The following UBE2E2 variants were observed in gnomAD, a reference collection of about 807,000 sequenced individuals.
The protein encoded by UBE2E2 is ubiquitin conjugating enzyme E2 E2, also known as ubiquitin-conjugating enzyme E2 E2.
In UBE2E2, 6 loss-of-function variants were observed where a neutral mutation model predicts 24.7. The observed-to-expected ratio is 0.24, with a 90% CI of 0.13 to 0.48. The LOEUF is 0.48. Among genes scored for constraint, UBE2E2 ranks in the 20% least tolerant of loss-of-function variants. UBE2E2 has a pLI of 0.99. For missense variants in UBE2E2, 169 were observed against 245.0 expected, an observed-to-expected ratio of 0.69 and a Z score of 2.07; for synonymous variants, 104 against 83.6, an observed-to-expected ratio of 1.24 and a Z score of -1.33.
At chr3:23,292,774 G>T (rs915815554) in intron 3 of UBE2E2, among the ~76,000 whole-genome samples, 1 of 152,136 alleles carries the variant, frequency 6.6e-6, no homozygotes, top group Non-Finnish European at 1.5e-5. Flanking sequence ...TTTGTTCGCA[G>T]TTAAAATCAG....
intron 3 of UBE2E2, among the ~76,000 whole-genome samples, chr3:23,480,570 G>A (rs1034586792): frequency 4.6e-5 from 7 of 150,856 alleles, no homozygotes; most frequent in East Asian, 1.9e-4. Context: ...GCTGGCATCC[G>A]TACAGCAGCT....
At chr3:23,226,283 A>G (rs973487673) in intron 3 of UBE2E2, among the ~76,000 whole-genome samples, 5 of 152,164 alleles carry the variant, frequency 3.3e-5, no homozygotes, top group African/African-American at 1.2e-4. Context: ...TGAGACAGAA[A>G]TTAGAAACAA....
chr3:23,410,027 T>A (rs1411132409), intron 3 of UBE2E2, among the ~76,000 whole-genome samples: 1 of 152,196 alleles, frequency 6.6e-6, no homozygotes, highest in African/African-American at 2.4e-5. Context: ...TCAAATAAGA[T>A]CACATTTGTG....
At chr3:23,491,980 C>G (rs1162210374) in intron 3 of UBE2E2, among the ~76,000 whole-genome samples, 1 of 152,118 alleles carries the variant, frequency 6.6e-6, no homozygotes, top group Non-Finnish European at 1.5e-5. Flanking sequence ...GGATGACTCT[C>G]AGATTTATGA....
intron 3 of UBE2E2, among the ~76,000 whole-genome samples, chr3:23,335,469 G>T (rs1221045941): frequency 2.0e-5 from 3 of 152,144 alleles, no homozygotes; most frequent in Non-Finnish European, 2.9e-5. Flanking sequence ...CTTATTTCTT[G>T]TAGCAGTGTC....
At chr3:23,465,673 T>G (rs372318353) in intron 3 of UBE2E2, among the ~76,000 whole-genome samples, 1 of 152,182 alleles carries the variant, frequency 6.6e-6, no homozygotes, top group East Asian at 1.9e-4. Context: ...TACAGAACCC[T>G]GTATCTCTAA....
intron 3 of UBE2E2, among the ~76,000 whole-genome samples, chr3:23,294,443 G>T (rs1359926929): frequency 6.6e-6 from 1 of 151,816 alleles, no homozygotes; most frequent in Non-Finnish European, 1.5e-5. Context: ...TACCTTCCTT[G>T]ATTACAATCT....
At chr3:23,443,028 C>T (rs1399462830) in intron 3 of UBE2E2, among the ~76,000 whole-genome samples, 1 of 152,184 alleles carries the variant, frequency 6.6e-6, no homozygotes, top group African/African-American at 2.4e-5. Context: ...ACAATAACAA[C>T]AGTACTTTCC....
intron 3 of UBE2E2, 31 bp downstream of exon 3, chr3:23,217,343 A>T: frequency 6.2e-7 from 1 of 1,602,038 alleles, no homozygotes; most frequent in Non-Finnish European, 8.5e-7. Flanking sequence ...ATTTACTTGT[A>T]TCTTTTGCAG....
At chr3:23,345,208 A>G (rs941539933) in intron 3 of UBE2E2, among the ~76,000 whole-genome samples, 2 of 152,206 alleles carry the variant, frequency 1.3e-5, no homozygotes, top group African/African-American at 4.8e-5. Context: ...GAGTATAACT[A>G]TTATTGTAGC....
At chr3:23,391,375 T>G (rs1696930961) in intron 3 of UBE2E2, among the ~76,000 whole-genome samples, 1 of 152,250 alleles carries the variant, frequency 6.6e-6, no homozygotes, top group Non-Finnish European at 1.5e-5. Context: ...AGTTCAGGAA[T>G]GTGGCCACAG....
intron 3 of UBE2E2, among the ~76,000 whole-genome samples, chr3:23,449,536 T>C (rs770846667): frequency 1.3e-4 from 20 of 152,230 alleles, no homozygotes; most frequent in Admixed American, 3.9e-4. Context: ...CCACTGTCTG[T>C]TACTGATAAT....
At chr3:23,355,208 C>T (rs6796927) in intron 3 of UBE2E2, among the ~76,000 whole-genome samples, 1 of 144,952 alleles carries the variant, frequency 6.9e-6, no homozygotes, top group African/African-American at 2.6e-5. Context: ...GAAGGGGAAC[C>T]TCACACTCTG....
chr3:23,556,541 G>A (rs1695792399), intron 5 of UBE2E2, among the ~76,000 whole-genome samples: 1 of 149,702 alleles, frequency 6.7e-6, no homozygotes, highest in African/African-American at 2.5e-5. Context: ...CATTGATAAG[G>A]CATTGGTATT....
At position 23,407,649 on chromosome 3, in the gene UBE2E2, GT is replaced by G. The variant is rs1559374922; in HGVS notation, c.228-91958del. Reference sequence around the variant, plus strand: ...TGTGTTTGTGTGTGCATGCGTGCATGTGTGTGTGTGTGTGTGTGTGTGTGTG... The same window carrying G: ...TGTGTTTGTGTGTGCATGCGTGCATGGTGTGTGTGTGTGTGTGTGTGTGTG... On this transcript the variant is annotated intron_variant, in intron 3 of 5. Coordinates refer to ENST00000396703, the MANE Select transcript of UBE2E2 (RefSeq NM_152653.4). The surrounding 1 kb of genome is among the most constrained non-coding windows in gnomAD (Gnocchi z 4.0). Among the ~76,000 whole-genome samples, 1 of 26,072 alleles carries G rather than the reference GT, an allele frequency of 3.8e-5. No homozygotes were observed. The highest frequency in any genetic ancestry group is 3.0e-4 in the African/African-American group (1 of 3,368). 17.1% of individuals were successfully genotyped at this position (26,072 alleles called of 152,430 possible). A position where few individuals can be genotyped will look rare whatever the true frequency, so the allele number is the denominator to read the frequency against.
At chr3:23,301,557 T>C (rs1389635023) in intron 3 of UBE2E2, among the ~76,000 whole-genome samples, 1 of 152,226 alleles carries the variant, frequency 6.6e-6, no homozygotes, top group African/African-American at 2.4e-5. Flanking sequence ...CTCCAGACCC[T>C]GTTTGCCTGG....
Position 23,357,352 on chromosome 3 carries a change from G to A in UBE2E2, c.227+140040G>A, listed in dbSNP as rs565930373. The stretch of plus-strand genomic sequence containing the variant: ...TAACCTTTAAAATATTTCCTAAAGG[G>A]CAGGTTATTTACTGAATCTTGAGGA... On this transcript the variant is annotated intron_variant, in intron 3 of 5. Transcript: ENST00000396703. Among the ~76,000 whole-genome samples, 3 of 152,102 alleles carry A rather than the reference G, an allele frequency of 2.0e-5. No homozygotes were observed. The East Asian group carries it at 5.8e-4, about 29-fold the overall frequency.
intron 1 of UBE2E2, among the ~76,000 whole-genome samples, chr3:23,207,913 G>T (rs947194622): frequency 8.5e-5 from 13 of 152,078 alleles, no homozygotes; most frequent in African/African-American, 2.9e-4. Context: ...AATTGTGCAA[G>T]ATTATAATTA....
intron 3 of UBE2E2, among the ~76,000 whole-genome samples, chr3:23,334,944 T>G (rs1695162733): frequency 6.6e-6 from 1 of 152,242 alleles, no homozygotes; most frequent in Non-Finnish European, 1.5e-5. Flanking sequence ...TTTACATTTA[T>G]GATGCAATTG....
Sources: allele counts gnomAD v4.1 joint callset (sites outside exome capture counted in the v4.1 genomes callset), GRCh38; gene constraint gnomAD v4.1.1; non-coding constraint Gnocchi (gnomAD v3.1); transcripts MANE v1.5; gene names NCBI Gene and HGNC (gene_info 2026-07-23, HGNC 2026-07-21).